Variants in CFAP43 observed in about 807,000 individuals in gnomAD.
CFAP43 encodes the protein cilia- and flagella-associated protein 43.
Under a neutral mutation model 218.9 loss-of-function variants are expected in CFAP43, and 155 were observed. That is an observed-to-expected ratio of 0.71 (90% CI 0.62 to 0.81). The LOEUF (loss-of-function observed/expected upper bound fraction) is 0.81, where lower values mean the gene tolerates loss of function less well. Ranked by LOEUF, CFAP43 falls within the 30% of genes least tolerant of loss-of-function variation. CFAP43 has a pLI of 0.00. For synonymous variants in CFAP43, 645 were observed against 681.3 expected (o/e 0.95, Z 0.83); for missense variants, 1,778 against 1,954.3 (o/e 0.91, Z 1.70).
At chr10:104,195,203 G>C (rs997830884) in intron 10 of CFAP43, among the ~76,000 whole-genome samples, 1 of 152,160 alleles carries the variant, frequency 6.6e-6, no homozygotes, top group African/African-American at 2.4e-5. Flanking sequence ...CACAGTCCCG[G>C]ACGCAGGCAG....
chr10:104,149,968 C>G (rs1268327707), intron 28 of CFAP43, among the ~76,000 whole-genome samples: 1 of 152,144 alleles, frequency 6.6e-6, no homozygotes, highest in Non-Finnish European at 1.5e-5. Flanking sequence ...ACAAAAGCAA[C>G]GACTTTCTAA....
chr10:104,145,273 A>G (rs1177699724), intron 31 of CFAP43, among the ~76,000 whole-genome samples: 1 of 152,262 alleles, frequency 6.6e-6, no homozygotes, highest in Admixed American at 6.5e-5. Context: ...AATAATGAAA[A>G]TAAATCATTA....
chr10:104,206,475 T>C (rs1330589271), intron 6 of CFAP43, among the ~76,000 whole-genome samples: 2 of 151,980 alleles, frequency 1.3e-5, no homozygotes, highest in African/African-American at 2.4e-5. Context: ...CAGGGCATAG[T>C]TGGAAATAAT....
intron 25 of CFAP43, 126 bp from the exon 26 acceptor site, chr10:104,162,167 C>T (rs112595408): frequency 4.0e-6 from 5 of 1,242,670 alleles, no homozygotes; most frequent in Non-Finnish European, 5.8e-6. Flanking sequence ...GTAGGTAGTG[C>T]CTGGAGGAGA....
In CFAP43 at chr10:104,225,498, T is replaced by C. The variant is rs2135009438; in HGVS notation, c.379A>G (p.Ser127Gly). Residue 127 changes from serine to glycine, a missense_variant, in exon 3 of 38, where the codon AGT (serine) becomes GGT (glycine). Ser to Gly is a moderately conservative substitution (Grantham distance 56). This residue lies in a region of CFAP43 where 1,553 missense variants were observed against 1,685.2 expected (regional missense o/e 0.92). Coordinates refer to ENST00000357060, the MANE Select transcript of CFAP43 (RefSeq NM_025145.7). The part of the protein sequence containing the change: ...SFSYCGTYLA[S>G]YSSLPEFELA... Reference sequence around the variant, plus strand: ...TCAAATTCTGGGAGAGAGGAGTAACTAGCCAGGTAGGTGCCACAGTAACTG... The same window carrying C: ...TCAAATTCTGGGAGAGAGGAGTAACCAGCCAGGTAGGTGCCACAGTAACTG... 6.2e-7 allele frequency: 1 copy of C among 1,612,962 alleles called. No individual in the cohort carries two copies. Among genetic ancestry groups the C allele is most frequent in the East Asian group, 2.2e-5 (1 of 44,792 alleles).
rs1363089321 is a variant in CFAP43, at chr10:104,145,551, C to T, written c.3869G>A (p.Ser1290Asn). The change falls in exon 31 of 38, where the codon AGC (serine) becomes AAC (asparagine). Residue 1290 changes from serine (S) to asparagine (N), a missense_variant. By Grantham distance (46) the Ser-to-Asn change is conservative. This residue lies in a region of CFAP43 where 1,553 missense variants were observed against 1,685.2 expected (regional missense o/e 0.92). Transcript: ENST00000357060. Reference protein sequence around the residue: ...LLAEDKVMDRSFKKEFSEIPG... With the variant: ...LLAEDKVMDRNFKKEFSEIPG... ...AATTTCAGAAAATTCCTTTTTAAAG[C>T]TGCGATCCATAACCTAAGGACAAAC... 1 of 1,602,214 alleles carries T rather than the reference C, an allele frequency of 6.2e-7. No individual in the cohort carries two copies. The highest frequency in any genetic ancestry group is 8.5e-7 in the Non-Finnish European group (1 of 1,171,600).
At chr10:104,223,313 G>C (rs1205802673) in intron 3 of CFAP43, among the ~76,000 whole-genome samples, 5 of 152,074 alleles carry the variant, frequency 3.3e-5, no homozygotes, top group African/African-American at 4.8e-5. Context: ...ATACACTGGT[G>C]GCCCAGAATT....
chr10:104,222,268 T>C (rs2091202059), intron 3 of CFAP43, among the ~76,000 whole-genome samples: 1 of 152,164 alleles, frequency 6.6e-6, no homozygotes, highest in East Asian at 1.9e-4. Flanking sequence ...TCCTCCCTGT[T>C]CATCTTCTAG....
At chr10:104,151,246 T>C (rs573174058) in intron 28 of CFAP43, among the ~76,000 whole-genome samples, 1 of 152,336 alleles carries the variant, frequency 6.6e-6, no homozygotes, top group Admixed American at 6.5e-5. Flanking sequence ...TTATATTCCT[T>C]TGGGTATATA....
intron 27 of CFAP43, among the ~76,000 whole-genome samples, chr10:104,155,428 G>A (rs1367863455): frequency 1.3e-5 from 2 of 152,130 alleles, no homozygotes; most frequent in Non-Finnish European, 2.9e-5. Context: ...CATCATAGAT[G>A]GCACCCTGAA....
chr10:104,182,600 C>G, intron 16 of CFAP43, 87 bp from the exon 17 acceptor site: 1 of 1,287,826 alleles, frequency 7.8e-7, no homozygotes, highest in Non-Finnish European at 1.0e-6. Flanking sequence ...AGGTAACTAA[C>G]CATTTCAGTT....
At chr10:104,190,135 CAAAAAA>C (rs59257656) in intron 12 of CFAP43, among the ~76,000 whole-genome samples, 3 of 50,770 alleles carry the variant, frequency 5.9e-5, no homozygotes, top group Admixed American at 2.2e-4. Flanking sequence ...GACTCCATCT[CAAAAAA>C]AAAAAAAAAA....
chr10:104,145,092 A>C (rs927693353), intron 31 of CFAP43, among the ~76,000 whole-genome samples: 1 of 152,198 alleles, frequency 6.6e-6, no homozygotes, highest in Non-Finnish European at 1.5e-5. Flanking sequence ...CTGGAAGCCT[A>C]TTACAAGTAG....
chr10:104,184,143 C>G (rs559307885), intron 16 of CFAP43, among the ~76,000 whole-genome samples: 1 of 152,282 alleles, frequency 6.6e-6, no homozygotes, highest in African/African-American at 2.4e-5. Flanking sequence ...TGGCTGACTC[C>G]ATCTTGTTTC....
intron 33 of CFAP43, among the ~76,000 whole-genome samples, chr10:104,141,865 T>G (rs1459582720): frequency 2.6e-5 from 4 of 152,184 alleles, no homozygotes. Flanking sequence ...TCTTAATCAC[T>G]TAGTAAACAA....
intron 1 of CFAP43, 61 bp downstream of exon 1, chr10:104,232,121 G>A: frequency 1.9e-6 from 3 of 1,547,768 alleles, no homozygotes; most frequent in Non-Finnish European, 2.6e-6. Context: ...GAGGGAGGAG[G>A]GGACTTGGGG....
Position 104,161,077 on chromosome 10 carries a change from T to C in CFAP43, c.3500A>G (p.Lys1167Arg), listed in dbSNP as rs771756090. The change falls in exon 27 of 38, where the codon AAA becomes AGA. Residue 1167 changes from lysine to arginine, a missense_variant. This residue lies in a region of CFAP43 where 1,553 missense variants were observed against 1,685.2 expected (regional missense o/e 0.92). Coordinates refer to ENST00000357060, the MANE Select transcript of CFAP43 (RefSeq NM_025145.7). The part of the protein sequence containing the change: ...ERKQFKDYEK[K>R]VKELNEERDK... ...TCTTTCTTCATTTAACTCCTTTACT[T>C]TTTTCTCATAATCTTTGAATTGTTT... 9 of 1,612,890 alleles carry C rather than the reference T, an allele frequency of 5.6e-6. No homozygotes were observed. Among genetic ancestry groups the C allele is most frequent in the Non-Finnish European group, 6.8e-6 (8 of 1,179,064 alleles).
At chr10:104,183,860 G>C (rs541461853) in intron 16 of CFAP43, among the ~76,000 whole-genome samples, 1 of 152,182 alleles carries the variant, frequency 6.6e-6, no homozygotes, top group Non-Finnish European at 1.5e-5. Context: ...GACTTACATA[G>C]TGAGATAAAA....
chr10:104,156,704 G>C (rs1352493609), intron 27 of CFAP43, among the ~76,000 whole-genome samples: 1 of 152,134 alleles, frequency 6.6e-6, no homozygotes, highest in African/African-American at 2.4e-5. Flanking sequence ...CAAACCCAAA[G>C]AAGCAAAGTT....
Sources: allele counts gnomAD v4.1 joint callset (sites outside exome capture counted in the v4.1 genomes callset), GRCh38; gene constraint gnomAD v4.1.1; regional missense constraint gnomAD v4.1.1; transcripts MANE v1.5; gene names NCBI Gene and HGNC (gene_info 2026-07-23, HGNC 2026-07-21).